RALYL: variants seen among roughly 807,000 people sequenced by gnomAD.
RALYL encodes RALY RNA binding protein like.
Under a neutral mutation model 35.1 loss-of-function variants are expected in RALYL, and 29 were observed. The ratio of observed to expected loss-of-function variants is 0.83; its 90% CI spans 0.61 to 1.13. The LOEUF (loss-of-function observed/expected upper bound fraction) is 1.13, where lower values mean the gene tolerates loss of function less well. Ranked by LOEUF, RALYL falls within the 50% of genes most tolerant of loss-of-function variation. The pLI, the probability that RALYL is intolerant of heterozygous loss-of-function variation, is 0.00. For synonymous variants in RALYL, 120 were observed against 127.6 expected, an observed-to-expected ratio of 0.94 and a Z score of 0.40; for missense variants, 359 against 360.4, an observed-to-expected ratio of 1.00 and a Z score of 0.03.
At chr8:84,222,817 G>T (rs1343002688) in intron 1 of RALYL, among the ~76,000 whole-genome samples, 1 of 152,118 alleles carries the variant, frequency 6.6e-6, no homozygotes, top group Admixed American at 6.6e-5. Context: ...GCTATAAGAA[G>T]ATCGAGTCTT....
At chr8:84,749,247 G>T (rs1352012259) in intron 2 of RALYL, among the ~76,000 whole-genome samples, 1 of 152,044 alleles carries the variant, frequency 6.6e-6, no homozygotes, top group East Asian at 1.9e-4. Flanking sequence ...TGTTATTGTT[G>T]AAACCTTTTC....
intron 3 of RALYL, among the ~76,000 whole-genome samples, chr8:84,781,801 C>A (rs1170892571): frequency 6.6e-6 from 1 of 152,102 alleles, no homozygotes; most frequent in Admixed American, 6.6e-5. Context: ...GCACAACAAA[C>A]TTAGCCATGT....
At chr8:84,724,723 C>T (rs895983222) in intron 2 of RALYL, among the ~76,000 whole-genome samples, 1 of 151,712 alleles carries the variant, frequency 6.6e-6, no homozygotes, top group African/African-American at 2.4e-5. Context: ...TCATCATCTT[C>T]CCCACACTAT....
chr8:84,515,403 T>C (rs775116570), intron 1 of RALYL, among the ~76,000 whole-genome samples: 4 of 152,210 alleles, frequency 2.6e-5, no homozygotes, highest in Non-Finnish European at 5.9e-5. Context: ...GAGATTCATT[T>C]GAAATAGGAA....
intron 2 of RALYL, among the ~76,000 whole-genome samples, chr8:84,682,901 T>G (rs1835893373): frequency 6.6e-6 from 1 of 152,198 alleles, no homozygotes; most frequent in Non-Finnish European, 1.5e-5. Context: ...ATGTGTTTGC[T>G]CTTGCTTCTC....
chr8:84,752,520 A>T (rs1314031032), intron 2 of RALYL, among the ~76,000 whole-genome samples: 1 of 152,198 alleles, frequency 6.6e-6, no homozygotes. Context: ...GATAGCCAAG[A>T]CAATGGGAAA....
intron 1 of RALYL, among the ~76,000 whole-genome samples, chr8:84,299,722 C>CA (rs1219288636): frequency 2.6e-5 from 4 of 151,936 alleles, no homozygotes; most frequent in Non-Finnish European, 5.9e-5. Context: ...AGGAATTATC[C>CA]ATTTATTGTA....
chr8:84,764,160 C>T (rs1036324620), intron 2 of RALYL, among the ~76,000 whole-genome samples: 4 of 152,158 alleles, frequency 2.6e-5, no homozygotes, highest in African/African-American at 9.7e-5. Context: ...GGTGGTCTCA[C>T]TGATAGTTCT....
At chr8:84,405,890 G>A (rs185286783) in intron 1 of RALYL, among the ~76,000 whole-genome samples, 1 of 143,400 alleles carries the variant, frequency 7.0e-6, no homozygotes, top group East Asian at 2.0e-4. Flanking sequence ...CACGATCTCG[G>A]CTCACTGCAA....
At chr8:84,189,165 G>C (rs375172505) in intron 1 of RALYL, among the ~76,000 whole-genome samples, 17 of 152,176 alleles carry the variant, frequency 1.1e-4, no homozygotes, top group African/African-American at 3.9e-4. Context: ...AAATTATGGA[G>C]TAGAACGTGG....
At chr8:84,478,003 T>C (rs2133831044) in intron 1 of RALYL, among the ~76,000 whole-genome samples, 1 of 152,250 alleles carries the variant, frequency 6.6e-6, no homozygotes, top group East Asian at 1.9e-4. Context: ...ATGAACAGTT[T>C]TTAAAATTTC....
chr8:84,439,014 T>A (rs973785791), intron 1 of RALYL, among the ~76,000 whole-genome samples: 1 of 152,172 alleles, frequency 6.6e-6, no homozygotes, highest in African/African-American at 2.4e-5. Context: ...TGAATTCCAT[T>A]AATGCAATGC....
At chr8:84,384,425 A>T (rs1251223409) in intron 1 of RALYL, among the ~76,000 whole-genome samples, 1 of 151,816 alleles carries the variant, frequency 6.6e-6, no homozygotes, top group Non-Finnish European at 1.5e-5. Flanking sequence ...GATTTTTATC[A>T]TGTGACTCTA....
chr8:84,330,260 A>C, intron 1 of RALYL, among the ~76,000 whole-genome samples: 1 of 151,602 alleles, frequency 6.6e-6, no homozygotes, highest in East Asian at 1.9e-4. Flanking sequence ...ACATAAAAAC[A>C]TAAACACTCT....
intron 8 of RALYL, among the ~76,000 whole-genome samples, chr8:84,916,746 T>C (rs2135751163): frequency 6.6e-6 from 1 of 152,156 alleles, no homozygotes; most frequent in Non-Finnish European, 1.5e-5. Flanking sequence ...CCAAAACAAA[T>C]ATCCATAAAG....
chr8:84,388,856 AT>A (rs1859896381), intron 1 of RALYL, among the ~76,000 whole-genome samples: 1 of 151,864 alleles, frequency 6.6e-6, no homozygotes, highest in South Asian at 2.1e-4. Flanking sequence ...ATTAGATCCC[AT>A]TTGTCAATTT....
In RALYL at chr8:84,860,489, T is replaced by C. The variant is rs141762190; in HGVS notation, c.414-1807T>C. On this transcript the variant is annotated intron_variant, in intron 5 of 8. Coordinates refer to ENST00000521268, the MANE Select transcript of RALYL (RefSeq NM_173848.7). ...TCACTGACTTAAGGTGCTCTGTGAA[T>C]TCAACTTATAAATAACTAATGTAGA... 6.6e-5 allele frequency among the ~76,000 whole-genome samples: 10 copies of C among 152,350 alleles called. No homozygotes were observed. In the East Asian group the frequency reaches 1.5e-3, roughly 24 times the overall value.
At chr8:84,636,137 T>C (rs1484826596) in intron 2 of RALYL, among the ~76,000 whole-genome samples, 1 of 151,752 alleles carries the variant, frequency 6.6e-6, no homozygotes, top group Non-Finnish European at 1.5e-5. Context: ...TTCTTACTTA[T>C]CAGAATTTTC....
chr8:84,253,491 C>T lies in RALYL; in HGVS notation c.-24+69067C>T, dbSNP rs1456709834. 2.6e-5 allele frequency among the ~76,000 whole-genome samples: 4 copies of T among 151,808 alleles called. No homozygotes were observed. The East Asian group carries it at 7.8e-4, about 30-fold the overall frequency. On this transcript the variant is annotated intron_variant, in intron 1 of 8. Transcript: ENST00000521268. Reference sequence around the variant, plus strand: ...CTAGGATTACAGGCGTGAGCCACTGCACCTGGCCCTGTAGTCTCATTTTAC... The same window carrying T: ...CTAGGATTACAGGCGTGAGCCACTGTACCTGGCCCTGTAGTCTCATTTTAC...
Sources: gnomAD v4.1 joint callset for allele counts (sites outside exome capture counted in the v4.1 genomes callset) on GRCh38, gnomAD v4.1.1 for gene constraint, MANE v1.5 for transcripts, NCBI Gene and HGNC (gene_info 2026-07-23, HGNC 2026-07-21) for gene names.